Variants in CFDP1 observed in about 807,000 individuals in gnomAD.
The protein encoded by CFDP1 is heterochromatin-stabilizing protein CFDP1.
In CFDP1, 31 loss-of-function variants were observed where a neutral mutation model predicts 40.1. The ratio of observed to expected loss-of-function variants is 0.77; its 90% confidence interval spans 0.58 to 1.04. The LOEUF is 1.04. Among genes scored for constraint, CFDP1 ranks in the 50% least tolerant of loss-of-function variants. The probability of loss-of-function intolerance (pLI) is 0.00; values close to 1 mark genes in which losing one functional copy is unlikely to be tolerated. For missense variants in CFDP1, 423 were observed against 343.4 expected, an observed-to-expected ratio of 1.23 and a Z score of -1.83; for synonymous variants, 167 against 120.0, an observed-to-expected ratio of 1.39 and a Z score of -2.56.
chr16:75,303,499 T>A (rs1597318923), intron 6 of CFDP1, among the ~76,000 whole-genome samples: 1 of 74,366 alleles, frequency 1.3e-5, no homozygotes, highest in Non-Finnish European at 3.1e-5. Context: ...AATTTAGAAA[T>A]ATGACCCCCC....
intron 5 of CFDP1, among the ~76,000 whole-genome samples, chr16:75,391,963 G>T (rs967493341): frequency 6.6e-6 from 1 of 151,438 alleles, no homozygotes; most frequent in Non-Finnish European, 1.5e-5. Context: ...GCAAGACTCC[G>T]TCTCAAAAAA....
intron 5 of CFDP1, among the ~76,000 whole-genome samples, chr16:75,319,523 C>T (rs2078347764): frequency 6.6e-6 from 1 of 152,134 alleles, no homozygotes; most frequent in Admixed American, 6.5e-5. Flanking sequence ...GCACTTAGCG[C>T]TCCTGCTAGG....
At chr16:75,308,072 C>T (rs745367553) in intron 5 of CFDP1, among the ~76,000 whole-genome samples, 20 of 152,234 alleles carry the variant, frequency 1.3e-4, no homozygotes, top group Non-Finnish European at 2.8e-4. Context: ...CAAAAGCATA[C>T]GCATGAGGAC....
intron 5 of CFDP1, among the ~76,000 whole-genome samples, chr16:75,393,309 A>T (rs1365963133): frequency 1.3e-5 from 2 of 152,104 alleles, no homozygotes; most frequent in Non-Finnish European, 2.9e-5. Flanking sequence ...GCTTCCTGGA[A>T]TCACCTCTCA....
chr16:75,331,397 G>A (rs1019237526), intron 5 of CFDP1, among the ~76,000 whole-genome samples: 9 of 152,094 alleles, frequency 5.9e-5, no homozygotes, highest in East Asian at 1.9e-4. Flanking sequence ...GATTACAGGC[G>A]TAAACCACTA....
At chr16:75,326,858 C>G (rs2078405110) in intron 5 of CFDP1, among the ~76,000 whole-genome samples, 2 of 152,168 alleles carry the variant, frequency 1.3e-5, no homozygotes, top group African/African-American at 4.8e-5. Flanking sequence ...ACGTTATACC[C>G]AGAAAACCAC....
At chr16:75,376,260 C>G (rs1030586174) in intron 5 of CFDP1, among the ~76,000 whole-genome samples, 4 of 152,126 alleles carry the variant, frequency 2.6e-5, no homozygotes, top group Non-Finnish European at 4.4e-5. Context: ...CACATCTACT[C>G]CATGACCTAG....
chr16:75,381,813 G>T (rs2078854508), intron 5 of CFDP1, among the ~76,000 whole-genome samples: 1 of 152,170 alleles, frequency 6.6e-6, no homozygotes, highest in South Asian at 2.1e-4. Context: ...AGTACTGAAA[G>T]GACAGAGCAG....
intron 5 of CFDP1, among the ~76,000 whole-genome samples, chr16:75,310,806 T>C (rs1283809998): frequency 2.0e-5 from 3 of 152,208 alleles, no homozygotes; most frequent in African/African-American, 7.2e-5. Context: ...ACCAACTGTT[T>C]GTGAAGGATG....
intron 2 of CFDP1, among the ~76,000 whole-genome samples, chr16:75,413,424 T>C (rs1437416027): frequency 6.6e-6 from 1 of 151,900 alleles, no homozygotes; most frequent in East Asian, 1.9e-4. Flanking sequence ...GCCGGGCATG[T>C]TGGTGGGTGC....
chr16:75,419,939 C>T (rs1293838662), intron 1 of CFDP1, among the ~76,000 whole-genome samples: 1 of 151,926 alleles, frequency 6.6e-6, no homozygotes, highest in Non-Finnish European at 1.5e-5. Flanking sequence ...CTTGTTTTTA[C>T]TTTTCTGTAT....
chr16:75,351,225 G>T lies in CFDP1; in HGVS notation c.650+43865C>A, dbSNP rs548949192. On this transcript the variant is annotated intron_variant, in intron 5 of 6. Coordinates refer to ENST00000283882, the MANE Select transcript of CFDP1 (RefSeq NM_006324.3). ...GTAGCTGTACTGTTTCTAAAGTAAA[G>T]AAATAAAAATAAGACAAAGCAAAAC... 5.3e-5 allele frequency among the ~76,000 whole-genome samples: 8 copies of T among 152,238 alleles called. No homozygotes were observed. In the South Asian group the frequency reaches 1.2e-3, roughly 24 times the overall value.
chr16:75,407,471 G>A (rs147839221), intron 4 of CFDP1, among the ~76,000 whole-genome samples: 2 of 151,958 alleles, frequency 1.3e-5, no homozygotes, highest in East Asian at 1.9e-4. Context: ...GAGTCCAGGA[G>A]GTTCAAGAGC....
intron 5 of CFDP1, among the ~76,000 whole-genome samples, chr16:75,385,783 T>TA (rs1205604400): frequency 1.3e-5 from 2 of 152,232 alleles, no homozygotes; most frequent in African/African-American, 4.8e-5. Context: ...ATTACTGTTT[T>TA]AAAGTTAACC....
At chr16:75,308,997 G>T (rs753439692) in intron 5 of CFDP1, among the ~76,000 whole-genome samples, 27 of 152,212 alleles carry the variant, frequency 1.8e-4, no homozygotes, top group Non-Finnish European at 3.2e-4. Context: ...TTAACAAGGT[G>T]TAAGATGTCC....
chr16:75,315,865 C>T (rs574322014), intron 5 of CFDP1, among the ~76,000 whole-genome samples: 58 of 152,258 alleles, frequency 3.8e-4, no homozygotes, highest in Middle Eastern at 6.8e-3. Flanking sequence ...TCCTTCAACA[C>T]ACCTCCCAAA....
intron 5 of CFDP1, among the ~76,000 whole-genome samples, chr16:75,381,745 T>A (rs2078853946): frequency 6.6e-6 from 1 of 152,160 alleles, no homozygotes; most frequent in Non-Finnish European, 1.5e-5. Context: ...TCAAGGGGAT[T>A]CAGAATAAAC....
intron 5 of CFDP1, among the ~76,000 whole-genome samples, chr16:75,370,127 T>C (rs1422501119): frequency 6.8e-6 from 1 of 146,792 alleles, no homozygotes; most frequent in African/African-American, 2.5e-5. Flanking sequence ...AGTTTCGCTC[T>C]TGTTGCCCAG....
At chr16:75,328,608 A>G (rs2078421644) in intron 5 of CFDP1, among the ~76,000 whole-genome samples, 1 of 149,774 alleles carries the variant, frequency 6.7e-6, no homozygotes, top group East Asian at 2.0e-4. Flanking sequence ...TTAAAAAAAA[A>G]AAAAAAAAAA....
Sources: allele counts gnomAD v4.1 joint callset (sites outside exome capture counted in the v4.1 genomes callset), GRCh38; gene constraint gnomAD v4.1.1; transcripts MANE v1.5; gene names NCBI Gene and HGNC (gene_info 2026-07-23, HGNC 2026-07-21).